Variants in NUDCD3 observed in about 807,000 individuals in gnomAD.
The protein encoded by NUDCD3 is NudC domain containing 3.
NUDCD3 carries 13 observed loss-of-function variants against 39.7 expected under a neutral mutation model. That is an observed-to-expected ratio of 0.33 (90% CI 0.21 to 0.52). The LOEUF is 0.52. NUDCD3 is among the 20% of genes least tolerant of loss of function. The pLI is 0.96. For missense variants in NUDCD3, 453 were observed against 458.1 expected (o/e 0.99, Z 0.10); for synonymous variants, 175 against 172.4 (o/e 1.02, Z -0.12).
chr7:44,446,919 C>A (rs1271295743), intron 2 of NUDCD3, among the ~76,000 whole-genome samples: 1 of 152,200 alleles, frequency 6.6e-6, no homozygotes, highest in African/African-American at 2.4e-5. Context: ...TGGCAATGTT[C>A]ATTACATTCA....
intron 1 of NUDCD3, 153 bp downstream of exon 1, chr7:44,490,256 G>T: frequency 1.4e-6 from 1 of 712,456 alleles, no homozygotes; most frequent in Non-Finnish European, 2.2e-6. Context: ...CATCCAATCC[G>T]CGCTTCAAAT....
Position 44,392,497 on chromosome 7 carries a change from C to T in NUDCD3, c.787-12G>A, listed in dbSNP as rs968437633. ...TTGCTCAGGTTCACCTGGGGACAAGCAGGACAGAGACCTGAGTCAGAGACC... is the reference window on the plus strand; with the variant it reads ...TTGCTCAGGTTCACCTGGGGACAAGTAGGACAGAGACCTGAGTCAGAGACC... On this transcript the variant is annotated splice_polypyrimidine_tract_variant and intron_variant, in intron 4 of 5. Coordinates refer to ENST00000355451, the MANE Select transcript of NUDCD3 (RefSeq NM_015332.4). 1.2e-6 allele frequency: 2 copies of T among 1,612,372 alleles called. No individual in the cohort carries two copies. Among genetic ancestry groups the T allele is most frequent in the Non-Finnish European group, 1.7e-6 (2 of 1,178,966 alleles).
At chr7:44,395,245 A>T (rs917604727) in intron 4 of NUDCD3, among the ~76,000 whole-genome samples, 52 of 152,344 alleles carry the variant, frequency 3.4e-4, no homozygotes, top group African/African-American at 1.2e-3. Context: ...TCAAGTGTTT[A>T]CTCAGCTGCC....
At chr7:44,442,752 G>T (rs1239975253) in intron 2 of NUDCD3, among the ~76,000 whole-genome samples, 2 of 142,746 alleles carry the variant, frequency 1.4e-5, no homozygotes, top group Admixed American at 7.2e-5. Context: ...CCGGACTGCA[G>T]TGGCGCTATC....
At chr7:44,488,537 G>A (rs1337922191) in intron 1 of NUDCD3, among the ~76,000 whole-genome samples, 2 of 151,638 alleles carry the variant, frequency 1.3e-5, no homozygotes, top group Non-Finnish European at 2.9e-5. Flanking sequence ...CTCTCCCTCG[G>A]ACCACTCCAG....
Position 44,482,681 on chromosome 7 carries a change from C to T in NUDCD3, c.509+2287G>A, listed in dbSNP as rs1165768084. ...CAGAAGAAATCAAAACCCAGAGACTCGACAGCATAACATCCATTAATGTCT... is the reference window on the plus strand; with the variant it reads ...CAGAAGAAATCAAAACCCAGAGACTTGACAGCATAACATCCATTAATGTCT... On this transcript the variant is annotated intron_variant, in intron 2 of 5. Coordinates refer to ENST00000355451, the MANE Select transcript of NUDCD3 (RefSeq NM_015332.4). Among the ~76,000 whole-genome samples, 9 of 152,218 alleles carry T rather than the reference C, an allele frequency of 5.9e-5. No homozygotes were observed. In the East Asian group the frequency reaches 7.7e-4, roughly 13 times the overall value.
At chr7:44,444,220 A>G (rs1261095253) in intron 2 of NUDCD3, among the ~76,000 whole-genome samples, 1 of 152,228 alleles carries the variant, frequency 6.6e-6, no homozygotes, top group Admixed American at 6.5e-5. Flanking sequence ...TTATCAACAG[A>G]TGATAGGATA....
intron 3 of NUDCD3, 82 bp from the exon 4 acceptor site, chr7:44,404,665 C>T (rs1235304937): frequency 3.4e-5 from 51 of 1,486,554 alleles, no homozygotes; most frequent in Admixed American, 2.4e-4. Context: ...TGATGGTTTC[C>T]AAGGTACCTG....
chr7:44,461,413 A>G (rs961088179), intron 2 of NUDCD3, among the ~76,000 whole-genome samples: 2 of 152,218 alleles, frequency 1.3e-5, no homozygotes, highest in African/African-American at 4.8e-5. Context: ...ATAGAAGGGC[A>G]AGCTGCATAT....
chr7:44,479,416 A>G (rs1800443603), intron 2 of NUDCD3, among the ~76,000 whole-genome samples: 1 of 152,248 alleles, frequency 6.6e-6, no homozygotes, highest in Non-Finnish European at 1.5e-5. Context: ...CAGGAGGAGT[A>G]CTTGAGCCCA....
intron 2 of NUDCD3, among the ~76,000 whole-genome samples, chr7:44,443,734 A>G (rs1036194103): frequency 1.3e-5 from 2 of 152,096 alleles, no homozygotes; most frequent in African/African-American, 4.8e-5. Context: ...GACTTCTAAG[A>G]GCTGGATGCT....
rs1799685726 is a variant in NUDCD3 at position 44,446,102 on chromosome 7, G to A, written c.510-18399C>T. Among the ~76,000 whole-genome samples the A allele has an allele frequency of 2.0e-5, 3 of 152,176 alleles. No individual in the cohort carries two copies. The South Asian group carries it at 6.2e-4, about 32-fold the overall frequency. ...GCCAGTCCAAACATTATCCCCAATT[G>A]ACACATGAGGCTGGACTATTCAAGT... On this transcript the variant is annotated intron_variant, in intron 2 of 5. Transcript: ENST00000355451.
intron 4 of NUDCD3, among the ~76,000 whole-genome samples, chr7:44,396,242 T>C (rs1798622876): frequency 6.6e-6 from 1 of 152,094 alleles, no homozygotes; most frequent in African/African-American, 2.4e-5. Context: ...TTTCCATCTG[T>C]CATCACTGTA....
intron 2 of NUDCD3, among the ~76,000 whole-genome samples, chr7:44,443,756 G>A (rs533091455): frequency 6.6e-6 from 1 of 152,262 alleles, no homozygotes; most frequent in South Asian, 2.1e-4. Context: ...TTTAGGCTGA[G>A]GTCCTTGACT....
chr7:44,471,464 G>C (rs144986953), intron 2 of NUDCD3, among the ~76,000 whole-genome samples: 1,959 of 152,346 alleles, frequency 0.013, 18 homozygotes, highest in Non-Finnish European at 0.018. Context: ...AACCAGCTCA[G>C]GGCTAGGTGA....
chr7:44,475,111 TC>T (rs1353662070), intron 2 of NUDCD3, among the ~76,000 whole-genome samples: 27 of 149,022 alleles, frequency 1.8e-4, no homozygotes, highest in Non-Finnish European at 3.8e-4. Context: ...CAAATTCATT[TC>T]TTTTTTTTTT....
intron 2 of NUDCD3, among the ~76,000 whole-genome samples, chr7:44,466,792 T>C (rs1184440317): frequency 6.6e-6 from 1 of 152,210 alleles, no homozygotes; most frequent in Non-Finnish European, 1.5e-5. Flanking sequence ...TGGGTGAGCC[T>C]GCAAAGCAGG....
intron 4 of NUDCD3, among the ~76,000 whole-genome samples, chr7:44,393,417 C>T (rs1288386983): frequency 6.6e-6 from 1 of 152,162 alleles, no homozygotes; most frequent in African/African-American, 2.4e-5. Flanking sequence ...GGCTGCTTGG[C>T]CTGTCCCAGG....
intron 3 of NUDCD3, among the ~76,000 whole-genome samples, chr7:44,423,408 A>C (rs1289218389): frequency 1.3e-5 from 2 of 152,218 alleles, no homozygotes; most frequent in Non-Finnish European, 2.9e-5. Context: ...GTTTCAGCCC[A>C]AAAACTCCTT....
Sources: gnomAD v4.1 joint callset for allele counts (sites outside exome capture counted in the v4.1 genomes callset) on GRCh38, gnomAD v4.1.1 for gene constraint, MANE v1.5 for transcripts, NCBI Gene and HGNC (gene_info 2026-07-23, HGNC 2026-07-21) for gene names.